Variants in FLYWCH1 observed in about 807,000 individuals in gnomAD.
The protein encoded by FLYWCH1 is FLYWCH-type zinc finger-containing protein 1.
FLYWCH1 carries 75 observed loss-of-function variants against 66.4 expected under a neutral mutation model. The ratio of observed to expected loss-of-function variants is 1.13; its 90% CI spans 0.94 to 1.37. The LOEUF (loss-of-function observed/expected upper bound fraction) is 1.37. Among genes scored for constraint, FLYWCH1 ranks in the 40% most tolerant of loss-of-function variants. The pLI is 0.00. For synonymous variants in FLYWCH1, 595 were observed against 429.9 expected (o/e 1.38, Z -4.75); for missense variants, 1,334 against 1,001.8 (o/e 1.33, Z -4.48).
chr16:2,937,014 C>G, intron 6 of FLYWCH1, 107 bp from the exon 7 acceptor site: 1 of 1,205,646 alleles, frequency 8.3e-7, no homozygotes, highest in Non-Finnish European at 1.1e-6. Flanking sequence ...GGCCACCTCA[C>G]TGTGAGGAGG....
chr16:2,929,698 G>T lies in FLYWCH1; in HGVS notation c.13G>T (p.Glu5Ter). 2 of 1,611,570 alleles carry T rather than the reference G, an allele frequency of 1.2e-6. No homozygotes were observed. Among genetic ancestry groups the T allele is most frequent in the Non-Finnish European group, 1.7e-6 (2 of 1,178,910 alleles). ...CCTGGGTCCCGGGATGCCCCTGCCC[G>T]AGCCCAGCGAGCAGGAGGGCGAGAG... The part of the protein sequence containing the change: MPLP[E>*]PSEQEGESVK... Residue 5 changes from glutamate (E) to a stop codon, truncating the protein, a stop_gained, in exon 3 of 10, where the codon GAG (glutamate) becomes TAG (stop). Transcript: ENST00000253928. LOFTEE classifies it high-confidence loss of function.
chr16:2,937,475 T>C lies in FLYWCH1; in HGVS notation c.1777+91T>C, dbSNP rs917211100. 4.3e-6 allele frequency: 6 copies of C among 1,387,788 alleles called. No individual in the cohort carries two copies. The African/African-American group carries it at 7.1e-5, about 16-fold the overall frequency. The allele number at this position is 1,387,788 out of a possible 1,614,324, so 86.0% of individuals were successfully genotyped here. ...TGGAGGCTGCCCGTGGGGTGTTGTG[T>C]GTTGTGCATGGTGGTCTGACAGCCG... On this transcript the variant is annotated intron_variant, in intron 7 of 9. Transcript: ENST00000253928.
chr16:2,939,946 G>A (rs1034645194), intron 8 of FLYWCH1, 86 bp from the exon 9 acceptor site: 24 of 1,492,806 alleles, frequency 1.6e-5, no homozygotes, highest in Non-Finnish European at 1.9e-5. Context: ...CCTTGAGGGC[G>A]TCGTTAACAA....
In FLYWCH1 at chr16:2,948,924, G is replaced by A; in HGVS notation, c.*197G>A. The A allele has an allele frequency of 1.7e-6, 1 of 577,728 alleles. No homozygotes were observed. The highest frequency in any genetic ancestry group is 3.1e-6 in the Non-Finnish European group (1 of 322,888). The allele number at this position is 577,728 out of a possible 1,614,324, so 35.8% of individuals were successfully genotyped here. ...TGTCCTCATGTCGGCGGAGAACAGT[G>A]CTCAGAGCTGGCGCTTGCAGACGCA... On this transcript the variant is annotated 3_prime_UTR_variant, in exon 10 of 10. Coordinates refer to ENST00000253928, the MANE Select transcript of FLYWCH1 (RefSeq NM_001308068.2).
At chr16:2,937,063 G>T in intron 6 of FLYWCH1, 58 bp from the exon 7 acceptor site, 1 of 1,253,364 alleles carries the variant, frequency 8.0e-7, no homozygotes. Context: ...TCGGGGCCAT[G>T]CTGATCTGGG....
Position 2,933,505 on chromosome 16 carries a change from G to C in FLYWCH1, c.1172G>C (p.Arg391Pro), listed in dbSNP as rs202152304. The change falls in exon 5 of 10, where the codon CGA (arginine) becomes CCA (proline). Residue 391 changes from arginine (R) to proline (P), a missense_variant. Arg to Pro is a moderately radical substitution (Grantham distance 103, BLOSUM62 -2). Coordinates refer to ENST00000253928, the MANE Select transcript of FLYWCH1 (RefSeq NM_001308068.2). ...LTLTRPRPRKRAKVEDQELPT... is the reference protein window; with the variant it reads ...LTLTRPRPRKPAKVEDQELPT... ...CTCACCAGGCCTCGGCCCAGAAAGC[G>C]AGCAAAGGTCGAAGACCAGGAGCTG... 1.0e-4 allele frequency: 161 copies of C among 1,611,832 alleles called. No homozygotes were observed. The highest frequency in any genetic ancestry group is 3.3e-4 in the Middle Eastern group (2 of 6,054).
intron 2 of FLYWCH1, 114 bp downstream of exon 2, chr16:2,914,403 C>T (rs937818012): frequency 1.3e-5 from 2 of 152,242 alleles, no homozygotes; most frequent in African/African-American, 4.8e-5. Flanking sequence ...TAACATGTGA[C>T]CCTTAGGTCT....
At chr16:2,923,390 G>C (rs1217771935) in intron 2 of FLYWCH1, among the ~76,000 whole-genome samples, 1 of 152,182 alleles carries the variant, frequency 6.6e-6, no homozygotes, top group Non-Finnish European at 1.5e-5. Context: ...GGGATTACAG[G>C]CGTCCGCCAC....
In FLYWCH1 at chr16:2,930,888, C is replaced by T. The variant is rs1358092168; in HGVS notation, c.796+8C>T. ...GCTCGATCCTGGGGCTGGGTGAGTA[C>T]AATCCACTCCCCTGCTGCGTCCACT... On this transcript the variant is annotated splice_region_variant and intron_variant, in intron 4 of 9. Coordinates refer to ENST00000253928, the MANE Select transcript of FLYWCH1 (RefSeq NM_001308068.2). The T allele has an allele frequency of 4.4e-6, 7 of 1,575,966 alleles. No individual in the cohort carries two copies. Among genetic ancestry groups the T allele is most frequent in the Non-Finnish European group, 6.0e-6 (7 of 1,166,480 alleles).
In FLYWCH1 at chr16:2,940,016, A is replaced by G. The variant is rs568542283; in HGVS notation, c.2051-16A>G. The G allele has an allele frequency of 2.6e-5, 41 of 1,595,722 alleles. No homozygotes were observed. The South Asian group carries it at 3.7e-4, about 15-fold the overall frequency. On this transcript the variant is annotated splice_polypyrimidine_tract_variant and intron_variant, in intron 8 of 9. Transcript: ENST00000253928. The stretch of plus-strand genomic sequence containing the variant: ...AGAAGAATTATTAATTCATATTTTC[A>G]ATTATTTTTCCACAGAAAAGATTCA...
intron 2 of FLYWCH1, among the ~76,000 whole-genome samples, chr16:2,914,604 C>A (rs1257055554): frequency 1.3e-5 from 2 of 152,118 alleles, no homozygotes; most frequent in Non-Finnish European, 2.9e-5. Context: ...CTTAAGAAAT[C>A]TGTACTGAGT....
At chr16:2,934,495 C>CT in intron 6 of FLYWCH1, 1 of 375,636 alleles carries the variant, frequency 2.7e-6, no homozygotes, top group Non-Finnish European at 5.3e-6. Flanking sequence ...GTCGGCCCCC[C>CT]GCAGTGCCTG....
At chr16:2,945,994 G>C (rs1343084252) in intron 9 of FLYWCH1, among the ~76,000 whole-genome samples, 1 of 151,626 alleles carries the variant, frequency 6.6e-6, no homozygotes, top group Non-Finnish European at 1.5e-5. Context: ...GAGACTCCAT[G>C]TCAAAAAATA....
intron 2 of FLYWCH1, among the ~76,000 whole-genome samples, chr16:2,917,821 AC>A (rs1596353202): frequency 2.0e-4 from 2 of 9,852 alleles, no homozygotes; most frequent in Non-Finnish European, 4.3e-4. Flanking sequence ...TCCTCTCCCC[AC>A]CCCCCAAAAT....
chr16:2,936,263 C>T, intron 6 of FLYWCH1: 1 of 385,314 alleles, frequency 2.6e-6, no homozygotes, highest in South Asian at 1.9e-5. Flanking sequence ...GCCCCATGGT[C>T]ACACCACCCC....
In FLYWCH1 at chr16:2,921,635, G is replaced by A. The variant is rs552298559; in HGVS notation, c.-74+7346G>A. 5.9e-5 allele frequency among the ~76,000 whole-genome samples: 9 copies of A among 152,282 alleles called. No individual in the cohort carries two copies. In the South Asian group the frequency reaches 1.2e-3, roughly 21 times the overall value. On this transcript the variant is annotated intron_variant, in intron 2 of 9. Transcript: ENST00000253928. The stretch of plus-strand genomic sequence containing the variant: ...AAATTAGCCGGGCATGGTAGTGTGC[G>A]CCTGTGGTCCCAGCTACTCTGGAGG...
At chr16:2,932,117 C>CAAA (rs71158124) in intron 4 of FLYWCH1, among the ~76,000 whole-genome samples, 53,566 of 109,376 alleles carry the variant, frequency 0.49, 14,016 homozygotes, top group Admixed American at 0.58. Flanking sequence ...GACTCTGTCT[C>CAAA]AAAAAAAAAA....
intron 2 of FLYWCH1, among the ~76,000 whole-genome samples, chr16:2,924,772 A>T (rs1356806003): frequency 2.0e-5 from 3 of 152,128 alleles, no homozygotes; most frequent in Non-Finnish European, 4.4e-5. Flanking sequence ...ACCATCCAAG[A>T]GCCTGAACGG....
chr16:2,926,954 C>T (rs1190551470), intron 2 of FLYWCH1, among the ~76,000 whole-genome samples: 2 of 152,204 alleles, frequency 1.3e-5, no homozygotes, highest in East Asian at 1.9e-4. Flanking sequence ...AAAGGATAGT[C>T]TCTATCTCGG....
Sources: gnomAD v4.1 joint callset for allele counts (sites outside exome capture counted in the v4.1 genomes callset) on GRCh38, gnomAD v4.1.1 for gene constraint, MANE v1.5 for transcripts, NCBI Gene and HGNC (gene_info 2026-07-23, HGNC 2026-07-21) for gene names.